Variants in NRXN3 observed in about 807,000 individuals in gnomAD.
The protein encoded by NRXN3 is neurexin III.
A neutral mutation model predicts 137.6 loss-of-function variants in NRXN3; 32 were observed. That is an observed-to-expected ratio of 0.23 (90% CI 0.18 to 0.31). The LOEUF (loss-of-function observed/expected upper bound fraction) is 0.31, where lower values mean the gene tolerates loss of function less well. Ranked by LOEUF, NRXN3 falls within the 10% of genes least tolerant of loss-of-function variation. The pLI is 1.00. For synonymous variants in NRXN3, 798 were observed against 784.5 expected, an observed-to-expected ratio of 1.02 and a Z score of -0.29; for missense variants, 1,574 against 2,062.5, an observed-to-expected ratio of 0.76 and a Z score of 4.59.
chr14:78,626,570 A>G (rs751638052), intron 4 of NRXN3, among the ~76,000 whole-genome samples: 28 of 152,220 alleles, frequency 1.8e-4, no homozygotes, highest in Non-Finnish European at 3.7e-4. Context: ...ATGTGAATGG[A>G]TGTACATATA....
At chr14:79,496,682 C>T (rs1277416553) in intron 16 of NRXN3, among the ~76,000 whole-genome samples, 4 of 152,026 alleles carry the variant, frequency 2.6e-5, no homozygotes, top group Non-Finnish European at 4.4e-5. Flanking sequence ...GATTTTGGAG[C>T]GAGTTAAAAT....
intron 15 of NRXN3, among the ~76,000 whole-genome samples, chr14:79,107,011 T>C (rs912788837): frequency 5.3e-5 from 8 of 152,168 alleles, no homozygotes; most frequent in Non-Finnish European, 1.2e-4. Context: ...GAAGGCTAGA[T>C]ACACAGATGG....
intron 2 of NRXN3, among the ~76,000 whole-genome samples, chr14:78,245,642 TA>T (rs1176569743): frequency 6.6e-6 from 1 of 152,186 alleles, no homozygotes; most frequent in Non-Finnish European, 1.5e-5. Context: ...TTAAAAAAAT[TA>T]AAACAAAATT....
intron 8 of NRXN3, among the ~76,000 whole-genome samples, chr14:78,795,621 C>T (rs561232479): frequency 2.1e-4 from 32 of 152,098 alleles, no homozygotes; most frequent in Non-Finnish European, 3.4e-4. Flanking sequence ...CTTACTATGA[C>T]AAATACAGAT....
chr14:79,056,298 G>T (rs2099662589), intron 15 of NRXN3, among the ~76,000 whole-genome samples: 1 of 152,148 alleles, frequency 6.6e-6, no homozygotes, highest in Admixed American at 6.5e-5. Context: ...ACTAATTGGA[G>T]AAAGTCATAG....
intron 4 of NRXN3, among the ~76,000 whole-genome samples, chr14:78,602,143 A>G (rs2097206832): frequency 6.6e-6 from 1 of 152,084 alleles, no homozygotes; most frequent in South Asian, 2.1e-4. Context: ...CTCCTTTCAA[A>G]CACTCACAGT....
At chr14:79,265,461 A>T (rs2153416239) in intron 15 of NRXN3, among the ~76,000 whole-genome samples, 1 of 152,100 alleles carries the variant, frequency 6.6e-6, no homozygotes, top group African/African-American at 2.4e-5. Flanking sequence ...TAGCTAAAGA[A>T]GAGAAATGTT....
intron 4 of NRXN3, among the ~76,000 whole-genome samples, chr14:78,533,521 A>T (rs1051459460): frequency 6.6e-6 from 1 of 151,928 alleles, no homozygotes; most frequent in Non-Finnish European, 1.5e-5. Flanking sequence ...ATCTCCTGCC[A>T]TTTTTCCTGC....
intron 16 of NRXN3, among the ~76,000 whole-genome samples, chr14:79,650,615 G>A (rs1414826962): frequency 5.3e-5 from 8 of 152,072 alleles, no homozygotes; most frequent in African/African-American, 1.7e-4. Context: ...CCAAAGTATC[G>A]TTTACACTCT....
chr14:78,417,079 A>G (rs2093179421), intron 4 of NRXN3, among the ~76,000 whole-genome samples: 1 of 152,182 alleles, frequency 6.6e-6, no homozygotes. Flanking sequence ...CAGCCCCCAG[A>G]GCAATCTCCC....
At chr14:78,492,168 T>C (rs950425361) in intron 4 of NRXN3, among the ~76,000 whole-genome samples, 7 of 152,176 alleles carry the variant, frequency 4.6e-5, no homozygotes, top group Non-Finnish European at 8.8e-5. Context: ...TGATAAACGC[T>C]TAAGAACAGA....
chr14:78,641,036 C>T (rs1005028299), intron 4 of NRXN3, among the ~76,000 whole-genome samples: 3 of 152,184 alleles, frequency 2.0e-5, no homozygotes, highest in Non-Finnish European at 4.4e-5. Context: ...AAGGTGACTG[C>T]ATTGTCTCTT....
At chr14:78,181,580 G>A (rs898581208) in intron 1 of NRXN3, among the ~76,000 whole-genome samples, 1 of 152,130 alleles carries the variant, frequency 6.6e-6, no homozygotes, top group African/African-American at 2.4e-5. Flanking sequence ...TTGTGTGTGG[G>A]CAGCCCTCAG....
intron 19 of NRXN3, among the ~76,000 whole-genome samples, chr14:79,770,840 G>C (rs1258693992): frequency 6.6e-6 from 1 of 151,926 alleles, no homozygotes; most frequent in Non-Finnish European, 1.5e-5. Flanking sequence ...CCAGGAGCTG[G>C]TTTTTTGAAA....
In NRXN3 at chr14:78,224,059, C is replaced by A. The variant is rs7154491; in HGVS notation, c.-703-18332C>A. Among the ~76,000 whole-genome samples, 612 of 152,138 alleles carry A rather than the reference C, an allele frequency of 4.0e-3. 5 individuals carry two copies. Among genetic ancestry groups the A allele is most frequent in the African/African-American group, 0.014 (593 of 41,504 alleles). ...TGTCCTGCTGTATTCCTTTCAAAAC[C>A]GGGTCCCACACCATCGAAAATACAG... On this transcript the variant is annotated intron_variant, in intron 1 of 20. Coordinates refer to ENST00000335750, the MANE Select transcript of NRXN3 (RefSeq NM_001330195.2).
At chr14:79,061,230 T>A (rs1394308793) in intron 15 of NRXN3, among the ~76,000 whole-genome samples, 1 of 152,204 alleles carries the variant, frequency 6.6e-6, no homozygotes, top group Non-Finnish European at 1.5e-5. Context: ...TGAAACTATA[T>A]TCTAGAGGAA....
At chr14:78,621,765 G>A (rs1391782315) in intron 4 of NRXN3, among the ~76,000 whole-genome samples, 1 of 152,120 alleles carries the variant, frequency 6.6e-6, no homozygotes, top group Admixed American at 6.5e-5. Flanking sequence ...TTGCTCACTT[G>A]CATCTGCGGT....
intron 15 of NRXN3, among the ~76,000 whole-genome samples, chr14:79,081,845 C>T (rs2047079292): frequency 6.6e-6 from 1 of 152,000 alleles, no homozygotes; most frequent in Non-Finnish European, 1.5e-5. Flanking sequence ...TTTATGGTTA[C>T]TGTTAGGCAC....
In NRXN3 at chr14:79,866,424, T is replaced by C. The variant is rs1352205285; in HGVS notation, c.*4460T>C. 1 of 152,172 alleles carries C rather than the reference T, an allele frequency of 6.6e-6. No individual in the cohort carries two copies. Among genetic ancestry groups the C allele is most frequent in the Non-Finnish European group, 1.5e-5 (1 of 68,030 alleles). The allele number at this position is 152,172 out of a possible 1,614,324, so 9.4% of individuals were successfully genotyped here. A position where few individuals can be genotyped will look rare whatever the true frequency, so the allele number is the denominator to read the frequency against. ...AGAAATTATGTAAGGGAAGGCTTCATAGAAGGGGTGACATTTTGGTAAACC... is the reference window on the plus strand; with the variant it reads ...AGAAATTATGTAAGGGAAGGCTTCACAGAAGGGGTGACATTTTGGTAAACC... On this transcript the variant is annotated 3_prime_UTR_variant, in exon 21 of 21. Coordinates refer to ENST00000335750, the MANE Select transcript of NRXN3 (RefSeq NM_001330195.2).
Sources: allele counts gnomAD v4.1 joint callset (sites outside exome capture counted in the v4.1 genomes callset), GRCh38; gene constraint gnomAD v4.1.1; transcripts MANE v1.5; gene names NCBI Gene and HGNC (gene_info 2026-07-23, HGNC 2026-07-21).